ZNF581: variants seen among roughly 807,000 people sequenced by gnomAD.
ZNF581 encodes zinc finger protein 581.
Under a neutral mutation model 1.2 loss-of-function variants are expected in ZNF581, and 1 was observed. The ratio of observed to expected loss-of-function variants is 0.83; its 90% CI spans 0.30 to 3.95. The LOEUF is 3.95. Ranked by LOEUF, ZNF581 falls within the 30% of genes most tolerant of loss-of-function variation. The pLI is 0.18. For synonymous variants in ZNF581, 105 were observed against 109.2 expected, an observed-to-expected ratio of 0.96 and a Z score of 0.24; for missense variants, 273 against 274.6, an observed-to-expected ratio of 0.99 and a Z score of 0.04.
In ZNF581 at chr19:55,644,720, C is replaced by G; in HGVS notation, c.149C>G (p.Pro50Arg). 1 of 1,614,034 alleles carries G rather than the reference C, an allele frequency of 6.2e-7. No individual in the cohort carries two copies. Among genetic ancestry groups the G allele is most frequent in the African/African-American group, 1.3e-5 (1 of 75,030 alleles). ...GSPQASSPPR[P>R]NHYLLIDTQG... ...CCCCAGGCTTCATCTCCTCCAAGGC[C>G]CAACCACTACCTGCTTATTGACACT... The change falls in exon 2 of 2, where the codon CCC becomes CGC. Residue 50 changes from proline to arginine, a missense_variant. Coordinates refer to ENST00000270451, the MANE Select transcript of ZNF581 (RefSeq NM_016535.4). The surrounding 1 kb of genome is among the most constrained non-coding windows in gnomAD (Gnocchi z 4.3).
upstream of ZNF581, among the ~76,000 whole-genome samples, chr19:55,639,245 T>C (rs1326834524): frequency 6.6e-6 from 1 of 152,094 alleles, no homozygotes; most frequent in Non-Finnish European, 1.5e-5. Context: ...CCAAGGATGC[T>C]GCTCAACACT....
chr19:55,642,786 G>A, upstream of ZNF581: 7 of 1,557,710 alleles, frequency 4.5e-6, no homozygotes, highest in Non-Finnish European at 6.0e-6. Flanking sequence ...AAGGGCTACA[G>A]CTGCCCGGAG....
At position 55,644,492 on chromosome 19, in the gene ZNF581, G is replaced by A; in HGVS notation, c.-19-61G>A. 1 of 1,088,376 alleles carries A rather than the reference G, an allele frequency of 9.2e-7. No individual in the cohort carries two copies. Among genetic ancestry groups the A allele is most frequent in the Non-Finnish European group, 1.3e-6 (1 of 774,198 alleles). The allele number at this position is 1,088,376 out of a possible 1,614,324, so 67.4% of individuals were successfully genotyped here. On this transcript the variant is annotated intron_variant, in intron 1 of 1. Transcript: ENST00000270451. The surrounding 1 kb of genome is among the most constrained non-coding windows in gnomAD (Gnocchi z 4.3). ...GGGTATAGGGAGGGAAAAGGATGGAGCCTGTGGTGCTGAGCTGCCCTCTTC... is the reference window on the plus strand; with the variant it reads ...GGGTATAGGGAGGGAAAAGGATGGAACCTGTGGTGCTGAGCTGCCCTCTTC...
At chr19:55,642,800 G>T, upstream of ZNF581, 1 of 1,565,388 alleles carries the variant, frequency 6.4e-7, no homozygotes, top group Non-Finnish European at 8.6e-7. Context: ...CCCGGAGTGC[G>T]CCCGTGTCTT....
At chr19:55,643,605 C>T (rs1332326225), upstream of ZNF581, 2 of 152,596 alleles carry the variant, frequency 1.3e-5, no homozygotes, top group South Asian at 2.1e-4. Context: ...GGCGCCCCGC[C>T]CCAACCTTCC....
chr19:55,643,300 A>G, upstream of ZNF581: 1 of 420,886 alleles, frequency 2.4e-6, no homozygotes, highest in Non-Finnish European at 4.2e-6. Context: ...AGCCTGTGCA[A>G]GTGACATGAC....
upstream of ZNF581, among the ~76,000 whole-genome samples, chr19:55,639,196 G>A (rs186920997): frequency 6.6e-6 from 1 of 151,830 alleles, no homozygotes; most frequent in Non-Finnish European, 1.5e-5. Flanking sequence ...CACAACTTGG[G>A]GTTGGGGGAG....
At chr19:55,639,717 A>G (rs1194975980), upstream of ZNF581, among the ~76,000 whole-genome samples, 2 of 152,110 alleles carry the variant, frequency 1.3e-5, no homozygotes, top group Non-Finnish European at 2.9e-5. Context: ...CCTGGGTTCA[A>G]GCGATTCTCC....
chr19:55,641,027 C>T (rs1433020250), upstream of ZNF581: 1 of 985,192 alleles, frequency 1.0e-6, no homozygotes, highest in African/African-American at 1.7e-5. Flanking sequence ...CTCCGCCAAC[C>T]CCTCGCACCC....
upstream of ZNF581, among the ~76,000 whole-genome samples, chr19:55,637,528 C>G (rs1050096897): frequency 6.6e-6 from 1 of 151,976 alleles, no homozygotes; most frequent in Non-Finnish European, 1.5e-5. Flanking sequence ...CAGAGTGAGA[C>G]TCTGTCTGAA....
In ZNF581 at chr19:55,645,112, C is replaced by T. The variant is rs759803454; in HGVS notation, c.541C>T (p.Arg181Cys). The T allele has an allele frequency of 4.3e-5, 66 of 1,538,226 alleles. No individual in the cohort carries two copies. Among genetic ancestry groups the T allele is most frequent in the Non-Finnish European group, 5.0e-5 (57 of 1,138,646 alleles). ...GTTTCAGTGTCCACACTGCCCTCGC[C>T]GCTTTATGGAGCAGAACACACTGCA... ...RPFQCPHCPR[R>C]FMEQNTLQKH... Residue 181 changes from arginine (R) to cysteine (C), a missense_variant, in exon 2 of 2, where the codon CGC (arginine) becomes TGC (cysteine). Transcript: ENST00000270451.
At chr19:55,635,772 G>A in intron 1 of ZNF581, 2 of 946,582 alleles carry the variant, frequency 2.1e-6, no homozygotes. Context: ...GGCCTTTCAT[G>A]GCAGGCTGAG....
chr19:55,637,867 G>A (rs1353658586), upstream of ZNF581, among the ~76,000 whole-genome samples: 1 of 152,170 alleles, frequency 6.6e-6, no homozygotes, highest in African/African-American at 2.4e-5. Flanking sequence ...GATGCTGTGC[G>A]TTTAGCAATG....
upstream of ZNF581, chr19:55,640,904 G>A (rs952677688): frequency 1.1e-5 from 11 of 985,154 alleles, no homozygotes; most frequent in African/African-American, 1.4e-4. Flanking sequence ...CCACGCCTCC[G>A]GTCCCCTCCC....
upstream of ZNF581, among the ~76,000 whole-genome samples, chr19:55,636,562 G>C (rs644230): frequency 0.96 from 145,314 of 152,150 alleles, 69,514 homozygotes; most frequent in East Asian, 0.99. Context: ...ATTCCTTACC[G>C]TTTCCTGAAA....
At chr19:55,640,638 T>A (rs1347356395), upstream of ZNF581, 1 of 985,412 alleles carries the variant, frequency 1.0e-6, no homozygotes, top group Non-Finnish European at 1.2e-6. Context: ...ATGGCTGGTC[T>A]CTGGACCTCG....
At chr19:55,642,402 T>C, upstream of ZNF581, 14 of 1,343,930 alleles carry the variant, frequency 1.0e-5, no homozygotes, top group Non-Finnish European at 1.3e-5. Context: ...GCACAAAGGG[T>C]AACAAGCAGT....
chr19:55,637,985 G>A (rs1434269379), upstream of ZNF581, among the ~76,000 whole-genome samples: 3 of 152,192 alleles, frequency 2.0e-5, no homozygotes, highest in African/African-American at 7.2e-5. Context: ...TAGTTATATG[G>A]TCTGAAACTC....
upstream of ZNF581, chr19:55,640,772 G>C: frequency 1.0e-6 from 1 of 985,490 alleles, no homozygotes; most frequent in Non-Finnish European, 1.2e-6. Flanking sequence ...GGGCCTTAGG[G>C]CGAAGACGTA....
Sources: gnomAD v4.1 joint callset for allele counts (sites outside exome capture counted in the v4.1 genomes callset) on GRCh38, gnomAD v4.1.1 for gene constraint, Gnocchi (gnomAD v3.1) non-coding constraint, MANE v1.5 for transcripts, NCBI Gene and HGNC (gene_info 2026-07-23, HGNC 2026-07-21) for gene names.